Variants in ADAMTS3 observed in about 807,000 individuals in gnomAD.
ADAMTS3 encodes the protein ADAM metallopeptidase with thrombospondin type 1 motif 3.
Under a neutral mutation model 129.0 loss-of-function variants are expected in ADAMTS3, and 73 were observed. That is an observed-to-expected ratio of 0.57 (90% confidence interval 0.47 to 0.69). The LOEUF (loss-of-function observed/expected upper bound fraction) is 0.69. ADAMTS3 is among the 30% of genes least tolerant of loss of function. ADAMTS3 has a pLI of 0.00. For missense variants in ADAMTS3, 1,457 were observed against 1,514.5 expected (o/e 0.96, Z 0.63); for synonymous variants, 477 against 510.8 (o/e 0.93, Z 0.89).
chr4:72,346,621 G>T (rs950811002), intron 4 of ADAMTS3, among the ~76,000 whole-genome samples: 1 of 152,020 alleles, frequency 6.6e-6, no homozygotes, highest in Non-Finnish European at 1.5e-5. Flanking sequence ...ATAAAATAAA[G>T]TATTTTTTGT....
chr4:72,371,266 C>A (rs189874392), intron 4 of ADAMTS3, among the ~76,000 whole-genome samples: 1 of 152,036 alleles, frequency 6.6e-6, no homozygotes, highest in East Asian at 1.9e-4. Flanking sequence ...CAGAAACCAA[C>A]ACAATTACAT....
At chr4:72,404,144 T>A (rs1368564926) in intron 4 of ADAMTS3, among the ~76,000 whole-genome samples, 1 of 152,100 alleles carries the variant, frequency 6.6e-6, no homozygotes, top group East Asian at 1.9e-4. Context: ...GCCAGTGGCA[T>A]TTTTTACGGA....
At chr4:72,384,009 C>T (rs1332712774) in intron 4 of ADAMTS3, among the ~76,000 whole-genome samples, 1 of 150,772 alleles carries the variant, frequency 6.6e-6, no homozygotes, top group African/African-American at 2.4e-5. Context: ...ACTAATAATA[C>T]AATAAATATA....
chr4:72,567,002 C>T (rs1171447851), intron 2 of ADAMTS3, among the ~76,000 whole-genome samples: 1 of 152,144 alleles, frequency 6.6e-6, no homozygotes, highest in African/African-American at 2.4e-5. Flanking sequence ...AGCATTCTTG[C>T]CTTCTGTTGT....
chr4:72,409,250 G>C (rs979788319), intron 4 of ADAMTS3, among the ~76,000 whole-genome samples: 4 of 152,012 alleles, frequency 2.6e-5, no homozygotes, highest in African/African-American at 9.7e-5. Flanking sequence ...TATTGAAAAG[G>C]AGCAATTACA....
At chr4:72,296,964 T>G (rs1718825161) in intron 18 of ADAMTS3, among the ~76,000 whole-genome samples, 1 of 152,130 alleles carries the variant, frequency 6.6e-6, no homozygotes, top group African/African-American at 2.4e-5. Flanking sequence ...GTTCCGAAAT[T>G]TGGGCCTGTT....
intron 3 of ADAMTS3, among the ~76,000 whole-genome samples, chr4:72,517,840 G>C (rs931779194): frequency 2.0e-5 from 3 of 151,286 alleles, no homozygotes; most frequent in African/African-American, 7.3e-5. Flanking sequence ...ATTTCCTTCA[G>C]TTCTGCTCTG....
intron 5 of ADAMTS3, among the ~76,000 whole-genome samples, chr4:72,335,279 A>C (rs1169855564): frequency 6.6e-6 from 1 of 152,166 alleles, no homozygotes. Flanking sequence ...TAATTTATGC[A>C]TCCAAACACC....
rs1033008259 is a variant in ADAMTS3, at chr4:72,352,444, C to A, written c.662-12751G>T. ...TAGAATTACTAGAAAAGGTTTATTA[C>A]CTCCTTCCTGGAAGGACATCCCCTC... On this transcript the variant is annotated intron_variant, in intron 4 of 21. Coordinates refer to ENST00000286657, the MANE Select transcript of ADAMTS3 (RefSeq NM_014243.3). Among the ~76,000 whole-genome samples the A allele has an allele frequency of 2.0e-5, 3 of 152,046 alleles. No homozygotes were observed. The East Asian group carries it at 5.8e-4, about 29-fold the overall frequency.
rs1041806627 is a variant in ADAMTS3 at position 72,282,384 on chromosome 4, T to C, written c.*752A>G. The C allele has an allele frequency of 9.9e-5, 15 of 152,204 alleles. No homozygotes were observed. The highest frequency in any genetic ancestry group is 3.6e-4 in the African/African-American group (15 of 41,440). The allele number at this position is 152,204 out of a possible 1,614,324, so 9.4% of individuals were successfully genotyped here. Reference sequence around the variant, plus strand: ...AATTATAAGTATAGAAGGCAATAGGTAAGCTGATATCTGTATATCTATAGC... The same window carrying C: ...AATTATAAGTATAGAAGGCAATAGGCAAGCTGATATCTGTATATCTATAGC... On this transcript the variant is annotated 3_prime_UTR_variant, in exon 22 of 22. Transcript: ENST00000286657.
intron 10 of ADAMTS3, among the ~76,000 whole-genome samples, chr4:72,318,062 C>T (rs953292276): frequency 6.6e-6 from 1 of 151,902 alleles, no homozygotes; most frequent in African/African-American, 2.4e-5. Flanking sequence ...AGATCCAGGA[C>T]CTGACCCACT....
chr4:72,391,249 C>A (rs926513675), intron 4 of ADAMTS3, among the ~76,000 whole-genome samples: 3 of 152,186 alleles, frequency 2.0e-5, no homozygotes, highest in Non-Finnish European at 4.4e-5. Context: ...TGTATATTTT[C>A]ACTTCTAAAA....
intron 2 of ADAMTS3, among the ~76,000 whole-genome samples, chr4:72,554,046 T>A (rs970511698): frequency 3.9e-5 from 6 of 152,108 alleles, no homozygotes; most frequent in Admixed American, 2.6e-4. Flanking sequence ...TGTAAAAAAA[T>A]TTTCTTGTCA....
chr4:72,550,201 T>C (rs952639112), intron 2 of ADAMTS3, among the ~76,000 whole-genome samples: 4 of 151,860 alleles, frequency 2.6e-5, no homozygotes, highest in Non-Finnish European at 5.9e-5. Flanking sequence ...CTATAGTGTG[T>C]TAAAGTGCCC....
chr4:72,436,291 C>A (rs1717916681), intron 3 of ADAMTS3, among the ~76,000 whole-genome samples: 1 of 152,094 alleles, frequency 6.6e-6, no homozygotes, highest in East Asian at 1.9e-4. Flanking sequence ...AAATGCAAAT[C>A]AAAACCATAA....
intron 3 of ADAMTS3, among the ~76,000 whole-genome samples, chr4:72,462,723 T>C (rs1174508779): frequency 6.6e-6 from 1 of 151,852 alleles, no homozygotes; most frequent in Non-Finnish European, 1.5e-5. Context: ...GTTTTAAATT[T>C]AAAAAATAGA....
intron 18 of ADAMTS3, among the ~76,000 whole-genome samples, chr4:72,297,654 G>A (rs961863941): frequency 6.6e-6 from 1 of 152,092 alleles, no homozygotes; most frequent in Non-Finnish European, 1.5e-5. Context: ...GCAGCACAGT[G>A]CAGTGAGTGA....
chr4:72,470,437 T>C (rs1025219768), intron 3 of ADAMTS3, among the ~76,000 whole-genome samples: 1 of 149,998 alleles, frequency 6.7e-6, no homozygotes, highest in Non-Finnish European at 1.5e-5. Context: ...ACATCTCATG[T>C]ATAATATATA....
At chr4:72,415,416 C>T (rs1187537140) in intron 3 of ADAMTS3, among the ~76,000 whole-genome samples, 2 of 151,838 alleles carry the variant, frequency 1.3e-5, no homozygotes, top group African/African-American at 4.8e-5. Context: ...TACATCTTCC[C>T]ACCAAACAAA....
Sources: allele counts gnomAD v4.1 joint callset (sites outside exome capture counted in the v4.1 genomes callset), GRCh38; gene constraint gnomAD v4.1.1; transcripts MANE v1.5; gene names NCBI Gene and HGNC (gene_info 2026-07-23, HGNC 2026-07-21).